Variants in HSD3B7 observed in about 807,000 individuals in gnomAD.
The protein encoded by HSD3B7 is hydroxy-delta-5-steroid dehydrogenase, 3 beta- and steroid delta-isomerase 7.
HSD3B7 carries 35 observed loss-of-function variants against 34.3 expected under a neutral mutation model. That is an observed-to-expected ratio of 1.02 (90% CI 0.78 to 1.35). The LOEUF is 1.35. Ranked by LOEUF, HSD3B7 falls within the 40% of genes most tolerant of loss-of-function variation. HSD3B7 has a pLI of 0.00. For synonymous variants in HSD3B7, 217 were observed against 220.1 expected, an observed-to-expected ratio of 0.99 and a Z score of 0.13; for missense variants, 426 against 504.7, an observed-to-expected ratio of 0.84 and a Z score of 1.49.
At chr16:30,986,017 T>G (rs2056468915) in intron 2 of HSD3B7, 32 bp from the exon 3 acceptor site, 1 of 1,609,252 alleles carries the variant, frequency 6.2e-7, no homozygotes. Context: ...GCCCCAGCTC[T>G]GACATGGCCT....
chr16:30,987,213 A>C (rs1342761911), intron 6 of HSD3B7: 1 of 603,574 alleles, frequency 1.7e-6, no homozygotes, highest in Non-Finnish European at 2.9e-6. Context: ...AAAGTGTATC[A>C]TAGGCTACAG....
Position 30,985,793 on chromosome 16 carries a change from C to T in HSD3B7, c.135C>T (p.His45=), listed in dbSNP as rs1356050005. ...RLGELRVFDQ[H]LGPWLEELKT... ...GGGAGCTGCGGGTCTTTGACCAACA[C>T]CTGGGTCCCTGGCTGGAGGAGCTGA... is the stretch of plus-strand genomic sequence containing the variant. The change falls in exon 2 of 7, where the codon CAC becomes CAT. Residue 45 remains histidine (H), a synonymous_variant. Transcript: ENST00000297679. 2 of 1,602,620 alleles carry T rather than the reference C, an allele frequency of 1.2e-6. No individual in the cohort carries two copies. Among genetic ancestry groups the T allele is most frequent in the Non-Finnish European group, 1.7e-6 (2 of 1,175,978 alleles).
chr16:30,987,402 G>A lies in HSD3B7; in HGVS notation c.695-366G>A, dbSNP rs991762883. On this transcript the variant is annotated intron_variant, in intron 6 of 6. Coordinates refer to ENST00000297679, the MANE Select transcript of HSD3B7 (RefSeq NM_025193.4). Reference sequence around the variant, plus strand: ...TTGGAGGCTGCAGTGAGCTATGACCGCACCACTGCACTCCAGCCTGGATGA... The same window carrying A: ...TTGGAGGCTGCAGTGAGCTATGACCACACCACTGCACTCCAGCCTGGATGA... 12 of 419,630 alleles carry A rather than the reference G, an allele frequency of 2.9e-5. No homozygotes were observed. The Admixed American group carries it at 3.6e-4, about 13-fold the overall frequency. 26.0% of individuals were successfully genotyped at this position (419,630 alleles called of 1,614,324 possible).
intron 6 of HSD3B7, 177 bp downstream of exon 6, chr16:30,987,179 G>A (rs2056494002): frequency 1.5e-6 from 1 of 663,188 alleles, no homozygotes. Flanking sequence ...GAGAATACAG[G>A]ATCCATGCAA....
chr16:30,988,712 C>A lies in HSD3B7; in HGVS notation c.*529C>A, dbSNP rs539939874. On this transcript the variant is annotated 3_prime_UTR_variant, in exon 7 of 7. Coordinates refer to ENST00000297679, the MANE Select transcript of HSD3B7 (RefSeq NM_025193.4). ...TCCAAGTTCTAGGGCCGTCAGGACA[C>A]GGGAGGGTTTGGGGACAGAGTGTCC... is the stretch of plus-strand genomic sequence containing the variant. 13 of 156,186 alleles carry A rather than the reference C, an allele frequency of 8.3e-5. No individual in the cohort carries two copies. The highest frequency in any genetic ancestry group is 2.9e-4 in the African/African-American group (12 of 41,584). The allele number at this position is 156,186 out of a possible 1,614,324, so 9.7% of individuals were successfully genotyped here.
In HSD3B7 at chr16:30,986,824, C is replaced by T. The variant is rs375545906; in HGVS notation, c.532-16C>T. ...GTCGGGTCCCAGGTCTCAGCAGTAC[C>T]TGCCTTTGCCACCAGGTCCGTGGGG... is the stretch of plus-strand genomic sequence containing the variant. On this transcript the variant is annotated splice_polypyrimidine_tract_variant and intron_variant, in intron 5 of 6. Coordinates refer to ENST00000297679, the MANE Select transcript of HSD3B7 (RefSeq NM_025193.4). 9.3e-6 allele frequency: 15 copies of T among 1,613,846 alleles called. No homozygotes were observed. Among genetic ancestry groups the T allele is most frequent in the Non-Finnish European group, 1.3e-5 (15 of 1,180,042 alleles).
rs9938550 is a variant in HSD3B7 at position 30,987,821 on chromosome 16, A to G, written c.748A>G (p.Thr250Ala). ...AGCCCGGGAGCTGGAGCAGCGGGCA[A>G]CCCTGATGGGCGGCCAGGTATACTT... ...LAARELEQRA[T>A]LMGGQVYFCY... is the part of the protein sequence containing the mutation. Residue 250 changes from threonine (T) to alanine (A), a missense_variant, in exon 7 of 7, where the codon ACC (threonine) becomes GCC (alanine). Thr to Ala is a moderately conservative substitution (Grantham distance 58). Transcript: ENST00000297679. The G allele has an allele frequency of 0.6, 971,292 of 1,612,980 alleles. 303,549 individuals carry two copies. The highest frequency in any genetic ancestry group is 0.91 in the East Asian group (40,801 of 44,862).
rs1437911587 is a variant in HSD3B7, at chr16:30,986,535, A to G, written c.431+4A>G. ...CCAAAGGTCACCCCTTCTACAGGTG[A>G]GTGGCAGGCCCTCTTGTCCTCTAAG... On this transcript the variant is annotated splice_donor_region_variant and intron_variant, in intron 4 of 6. Coordinates refer to ENST00000297679, the MANE Select transcript of HSD3B7 (RefSeq NM_025193.4). The G allele has an allele frequency of 1.2e-6, 2 of 1,613,172 alleles. No homozygotes were observed. Among genetic ancestry groups the G allele is most frequent in the Non-Finnish European group, 8.5e-7 (1 of 1,179,136 alleles).
rs1243814928 is a variant in HSD3B7, at chr16:30,986,942, C to T, written c.634C>T (p.Leu212=). The T allele has an allele frequency of 6.2e-7, 1 of 1,613,582 alleles. No homozygotes were observed. The highest frequency in any genetic ancestry group is 1.3e-5 in the African/African-American group (1 of 74,938). The change falls in exon 6 of 7, where the codon CTG becomes TTG. Residue 212 remains leucine, a synonymous_variant. Coordinates refer to ENST00000297679, the MANE Select transcript of HSD3B7 (RefSeq NM_025193.4). ...MRDFYRQGLR[L]GGWLFRAIPA... is the part of the protein sequence containing the mutation. ...GGACTTCTACCGCCAGGGCCTGCGC[C>T]TGGGAGGTTGGCTCTTCCGGGCCAT...
At position 30,988,203 on chromosome 16, in the gene HSD3B7, A is replaced by T; in HGVS notation, c.*20A>T. ...CAGTGACGGTGGGGCTGGGGCCTGGAGGCCCAGATACAGCACATCCACCCA... is the reference window on the plus strand; with the variant it reads ...CAGTGACGGTGGGGCTGGGGCCTGGTGGCCCAGATACAGCACATCCACCCA... On this transcript the variant is annotated 3_prime_UTR_variant, in exon 7 of 7. Coordinates refer to ENST00000297679, the MANE Select transcript of HSD3B7 (RefSeq NM_025193.4). 1 of 1,573,912 alleles carries T rather than the reference A, an allele frequency of 6.4e-7. No homozygotes were observed.
intron 1 of HSD3B7, 59 bp from the exon 2 acceptor site, chr16:30,985,594 A>T (rs780441787): frequency 1.3e-6 from 2 of 1,551,066 alleles, no homozygotes; most frequent in Non-Finnish European, 8.7e-7. Flanking sequence ...CTCCAGCAGT[A>T]ACAGGTGGTT....
At position 30,985,224 on chromosome 16, in the gene HSD3B7, C is replaced by T. The variant is rs985755033; in HGVS notation, c.-80C>T. On this transcript the variant is annotated 5_prime_UTR_variant, in exon 1 of 7. Coordinates refer to ENST00000297679, the MANE Select transcript of HSD3B7 (RefSeq NM_025193.4). The stretch of plus-strand genomic sequence containing the variant: ...GAGGAGCCAGCGGAAGGACGGTGTG[C>T]GGGCCGGCCAGCCCTGGACGAAAGA... 1.1e-5 allele frequency: 12 copies of T among 1,087,106 alleles called. No individual in the cohort carries two copies. Among genetic ancestry groups the T allele is most frequent in the Admixed American group, 9.6e-5 (2 of 20,828 alleles). The allele number at this position is 1,087,106 out of a possible 1,614,324, so 67.3% of individuals were successfully genotyped here.
chr16:30,986,002 C>T lies in HSD3B7; in HGVS notation c.167-47C>T, dbSNP rs748037287. 1.9e-5 allele frequency: 30 copies of T among 1,604,846 alleles called. No individual in the cohort carries two copies. The East Asian group carries it at 6.5e-4, about 35-fold the overall frequency. On this transcript the variant is annotated intron_variant, in intron 2 of 6. Coordinates refer to ENST00000297679, the MANE Select transcript of HSD3B7 (RefSeq NM_025193.4). ...GTGGAAGATGAACCCAGCCTCTGGC[C>T]TCTGGCCCCAGCTCTGACATGGCCT...
chr16:30,986,745 C>T, intron 5 of HSD3B7, 41 bp downstream of exon 5: 2 of 1,609,740 alleles, frequency 1.2e-6, no homozygotes, highest in Non-Finnish European at 1.7e-6. Context: ...GGGCTCCTGC[C>T]CTGCACACCC....
At position 30,985,652 on chromosome 16, in the gene HSD3B7, G is replaced by C; in HGVS notation, c.-6-1G>C. The C allele has an allele frequency of 6.2e-7, 1 of 1,600,698 alleles. No individual in the cohort carries two copies. The highest frequency in any genetic ancestry group is 8.5e-7 in the Non-Finnish European group (1 of 1,177,708). On this transcript the variant is annotated splice_acceptor_variant, in intron 1 of 6. Coordinates refer to ENST00000297679, the MANE Select transcript of HSD3B7 (RefSeq NM_025193.4). LOFTEE classifies it low-confidence loss of function (5UTR_SPLICE). ...TGGATGAGCCAAGGTCTCTTCCCCA[G>C]CCAGGCATGGCCGACTCTGCACAGG...
chr16:30,986,638 C>A lies in HSD3B7; in HGVS notation c.465C>A (p.His155Gln), dbSNP rs1211001998. The A allele has an allele frequency of 6.2e-7, 1 of 1,614,234 alleles. No individual in the cohort carries two copies. The highest frequency in any genetic ancestry group is 1.1e-5 in the South Asian group (1 of 91,090). Residue 155 changes from histidine (H) to glutamine (Q), a missense_variant, in exon 5 of 7, where the codon CAC (histidine) becomes CAA (glutamine). Physicochemically the swap from His to Gln is conservative, Grantham distance 24. Coordinates refer to ENST00000297679, the MANE Select transcript of HSD3B7 (RefSeq NM_025193.4). Reference sequence around the variant, plus strand: ...AAGACACCCCATACGAAGCAGTGCACAGGCACCCCTATCCTTGCAGCAAGG... The same window carrying A: ...AAGACACCCCATACGAAGCAGTGCAAAGGCACCCCTATCCTTGCAGCAAGG... Reference protein sequence around the residue: ...GNEDTPYEAVHRHPYPCSKAL... With the variant: ...GNEDTPYEAVQRHPYPCSKAL...
At position 30,988,113 on chromosome 16, in the gene HSD3B7, T is replaced by C. The variant is rs34212827; in HGVS notation, c.1040T>C (p.Leu347Pro). ...CAGCGCCATTTCGGCTATGAGCCCC[T>C]GTTCTCGTGGGAGGATAGCCGGACC... The part of the protein sequence containing the change: ...KAQRHFGYEP[L>P]FSWEDSRTRT... The change falls in exon 7 of 7, where the codon CTG becomes CCG. Residue 347 changes from leucine to proline, a missense_variant. Coordinates refer to ENST00000297679, the MANE Select transcript of HSD3B7 (RefSeq NM_025193.4). 35,091 of 1,606,266 alleles carry C rather than the reference T, an allele frequency of 0.022. 3,536 individuals are homozygous for C. The African/African-American group carries it at 0.3, about 14-fold the overall frequency.
At chr16:30,987,625 AGAAG>A (rs1053832050) in intron 6 of HSD3B7, 139 bp from the exon 7 acceptor site, 6 of 911,960 alleles carry the variant, frequency 6.6e-6, no homozygotes, top group Admixed American at 3.6e-5. Context: ...AGGGCGAGGG[AGAAG>A]GCAGCCTTTC....
At position 30,985,748 on chromosome 16, in the gene HSD3B7, G is replaced by A. The variant is rs1282191626; in HGVS notation, c.90G>A (p.Leu30=). The change falls in exon 2 of 7, where the codon CTG becomes CTA. Residue 30 remains leucine, a synonymous_variant. Coordinates refer to ENST00000297679, the MANE Select transcript of HSD3B7 (RefSeq NM_025193.4). ...FLGEHVVRML[L]QREPRLGELR... ...GAGAGCACGTGGTGCGAATGCTGCT[G>A]CAGCGGGAGCCCCGGCTCGGGGAGC... is the stretch of plus-strand genomic sequence containing the variant. The A allele has an allele frequency of 6.2e-7, 1 of 1,606,860 alleles. No homozygotes were observed. Among genetic ancestry groups the A allele is most frequent in the Non-Finnish European group, 8.5e-7 (1 of 1,178,076 alleles).
Sources: gnomAD v4.1 joint callset for allele counts on GRCh38, gnomAD v4.1.1 for gene constraint, MANE v1.5 for transcripts, NCBI Gene and HGNC (gene_info 2026-07-23, HGNC 2026-07-21) for gene names.